WDR43: variants seen among roughly 807,000 people sequenced by gnomAD.
The protein encoded by WDR43 is WD repeat domain 43.
In WDR43, 13 loss-of-function variants were observed where a neutral mutation model predicts 91.4. The ratio of observed to expected loss-of-function variants is 0.14; its 90% confidence interval spans 0.09 to 0.23. The LOEUF is 0.23. Among genes scored for constraint, WDR43 ranks in the 10% least tolerant of loss-of-function variants. WDR43 has a pLI of 1.00. For missense variants in WDR43, 780 were observed against 809.4 expected, an observed-to-expected ratio of 0.96 and a Z score of 0.44; for synonymous variants, 331 against 287.9, an observed-to-expected ratio of 1.15 and a Z score of -1.51.
At chr2:28,907,062 G>C (rs745420403) in intron 3 of WDR43, among the ~76,000 whole-genome samples, 1 of 152,140 alleles carries the variant, frequency 6.6e-6, no homozygotes. Context: ...AGATGATATG[G>C]GTCAAAGGAT....
chr2:28,895,768 ATC>A lies in WDR43; in HGVS notation c.225+851_225+852del, dbSNP rs1443948632. 5 of 152,294 alleles carry A rather than the reference ATC, an allele frequency of 3.3e-5. No individual in the cohort carries two copies. The East Asian group carries it at 9.7e-4, about 29-fold the overall frequency. The allele number at this position is 152,294 out of a possible 1,614,324, so 9.4% of individuals were successfully genotyped here. ...TTTCACTGTTGAGTCACTCAGCTACATCTCTCTAACTCAGCATGCACGTGGTT... is the reference window on the plus strand; with the variant it reads ...TTTCACTGTTGAGTCACTCAGCTACATCTCTAACTCAGCATGCACGTGGTT... On this transcript the variant is annotated intron_variant, in intron 1 of 17. Coordinates refer to ENST00000407426, the MANE Select transcript of WDR43 (RefSeq NM_015131.3).
rs531542367 is a variant in WDR43 at position 28,927,055 on chromosome 2, G to A, written c.1173+501G>A. The A allele has an allele frequency of 8.3e-5, 43 of 518,970 alleles. No individual in the cohort carries two copies. In the East Asian group the frequency reaches 2.3e-3, roughly 28 times the overall value. The allele number at this position is 518,970 out of a possible 1,614,324, so 32.1% of individuals were successfully genotyped here. ...GTGTTTCGTGGTTTAGTGAGAAAGG[G>A]AAAGCCAAGACATGCTATGATGACA... On this transcript the variant is annotated intron_variant, in intron 9 of 17. Coordinates refer to ENST00000407426, the MANE Select transcript of WDR43 (RefSeq NM_015131.3).
chr2:28,913,688 G>A (rs750349575), intron 4 of WDR43: 2 of 523,472 alleles, frequency 3.8e-6, no homozygotes, highest in South Asian at 2.8e-5. Context: ...CCTTAATATT[G>A]TGGTTTCGAC....
chr2:28,932,266 C>T (rs527555362), intron 11 of WDR43, among the ~76,000 whole-genome samples: 4 of 152,054 alleles, frequency 2.6e-5, no homozygotes, highest in South Asian at 2.1e-4. Flanking sequence ...CAGGTTCAAG[C>T]GATTCTCCTG....
At chr2:28,939,570 C>T (rs182824119) in intron 14 of WDR43, among the ~76,000 whole-genome samples, 6 of 152,306 alleles carry the variant, frequency 3.9e-5, no homozygotes, top group Non-Finnish European at 7.3e-5. Flanking sequence ...TAAGTGCCTT[C>T]TGTAAGCCAA....
chr2:28,894,697 C>T lies in WDR43; in HGVS notation c.-2C>T, dbSNP rs948709258. On this transcript the variant is annotated 5_prime_UTR_variant, in exon 1 of 18. Coordinates refer to ENST00000407426, the MANE Select transcript of WDR43 (RefSeq NM_015131.3). ...CGTGGCTGCAGCGGGGCCAGAGCAGCAATGGCGGCGGGCGGCGGCGGTAGC... is the reference window on the plus strand; with the variant it reads ...CGTGGCTGCAGCGGGGCCAGAGCAGTAATGGCGGCGGGCGGCGGCGGTAGC... 3.8e-6 allele frequency: 6 copies of T among 1,560,442 alleles called. No homozygotes were observed. In the African/African-American group the frequency reaches 4.1e-5, roughly 11 times the overall value.
chr2:28,917,488 A>G (rs1432636840), intron 5 of WDR43, among the ~76,000 whole-genome samples: 1 of 152,196 alleles, frequency 6.6e-6, no homozygotes, highest in Non-Finnish European at 1.5e-5. Flanking sequence ...TAAAATTCAA[A>G]TGGAAATAAC....
chr2:28,928,239 A>G (rs1671180102), intron 10 of WDR43, among the ~76,000 whole-genome samples: 2 of 152,224 alleles, frequency 1.3e-5, no homozygotes, highest in South Asian at 2.1e-4. Flanking sequence ...AGGAATCTGG[A>G]ATTTTAACTG....
intron 6 of WDR43, 48 bp from the exon 7 acceptor site, chr2:28,922,871 C>A: frequency 7.0e-7 from 1 of 1,423,788 alleles, no homozygotes; most frequent in South Asian, 1.3e-5. Flanking sequence ...AGATTGGGGA[C>A]TGGAGTATGT....
chr2:28,941,887 G>T (rs1030529086), intron 15 of WDR43, among the ~76,000 whole-genome samples: 1 of 152,106 alleles, frequency 6.6e-6, no homozygotes, highest in East Asian at 1.9e-4. Context: ...GACCCACCAC[G>T]CCTGGCTGAG....
chr2:28,909,360 T>C (rs1670745995), intron 3 of WDR43, among the ~76,000 whole-genome samples: 2 of 152,178 alleles, frequency 1.3e-5, no homozygotes, highest in South Asian at 4.1e-4. Context: ...CTCGAACTCC[T>C]GACCTCAGGT....
chr2:28,916,962 T>G (rs911437659), intron 5 of WDR43, among the ~76,000 whole-genome samples: 2 of 152,218 alleles, frequency 1.3e-5, no homozygotes, highest in African/African-American at 4.8e-5. Context: ...ACAACTCATG[T>G]CTGAGTGAAG....
chr2:28,902,614 T>C (rs1670598065), intron 2 of WDR43, among the ~76,000 whole-genome samples: 1 of 152,216 alleles, frequency 6.6e-6, no homozygotes, highest in African/African-American at 2.4e-5. Context: ...TTGGTTCTCC[T>C]AGGGTTGGAT....
At chr2:28,912,855 C>T in intron 4 of WDR43, 145 bp downstream of exon 4, 2 of 1,134,644 alleles carry the variant, frequency 1.8e-6, no homozygotes, top group Non-Finnish European at 2.4e-6. Context: ...AAAAGTTAGC[C>T]TCCTAATCTG....
chr2:28,943,411 G>C (rs1365883634), intron 16 of WDR43, among the ~76,000 whole-genome samples: 1 of 152,142 alleles, frequency 6.6e-6, no homozygotes, highest in Admixed American at 6.5e-5. Flanking sequence ...GCTGGGAATA[G>C]AAGCATGACC....
At chr2:28,903,728 G>T (rs555166552) in intron 2 of WDR43, among the ~76,000 whole-genome samples, 8 of 152,270 alleles carry the variant, frequency 5.3e-5, no homozygotes, top group African/African-American at 1.7e-4. Context: ...AATTGGATAG[G>T]TTTTTTGTGT....
chr2:28,927,693 G>A lies in WDR43; in HGVS notation c.1298G>A (p.Gly433Glu). 1 of 1,613,858 alleles carries A rather than the reference G, an allele frequency of 6.2e-7. No individual in the cohort carries two copies. The highest frequency in any genetic ancestry group is 2.2e-5 in the East Asian group (1 of 44,878). ...GTAGAGAGCAAGAGGAAGTCAGGGG[G>A]AAATGAGGTAATGCAACTGCTTTGA... is the stretch of plus-strand genomic sequence containing the variant. ...EQVESKRKSG[G>E]NEVSIEERLG... Residue 433 changes from glycine (G) to glutamate (E), a missense_variant, in exon 10 of 18, where the codon GGA becomes GAA. By Grantham distance (98) the Gly-to-Glu change is moderately conservative. This residue lies in a region of WDR43 where 426 missense variants were observed against 467.8 expected (regional missense o/e 0.91). Coordinates refer to ENST00000407426, the MANE Select transcript of WDR43 (RefSeq NM_015131.3).
intron 3 of WDR43, among the ~76,000 whole-genome samples, chr2:28,907,130 A>G (rs1670695470): frequency 6.6e-6 from 1 of 152,204 alleles, no homozygotes; most frequent in Admixed American, 6.5e-5. Flanking sequence ...TTATAGTTCA[A>G]CCACCTGATC....
Position 28,937,110 on chromosome 2 carries a change from G to A in WDR43, c.1556+157G>A, listed in dbSNP as rs186697267. Among the ~76,000 whole-genome samples the A allele has an allele frequency of 2.9e-3, 444 of 152,122 alleles. 1 individual carries two copies. The highest frequency in any genetic ancestry group is 5.8e-3 in the Non-Finnish European group (391 of 67,980). On this transcript the variant is annotated intron_variant, in intron 13 of 17. Coordinates refer to ENST00000407426, the MANE Select transcript of WDR43 (RefSeq NM_015131.3). ...AAGTTGAATGATTCTTATTCTTAGC[G>A]TTTTATTATAGTTTTCTTTTGCAAA...
Sources: gnomAD v4.1 joint callset for allele counts (sites outside exome capture counted in the v4.1 genomes callset) on GRCh38, gnomAD v4.1.1 for gene constraint, gnomAD v4.1.1 regional missense constraint, MANE v1.5 for transcripts, NCBI Gene and HGNC (gene_info 2026-07-23, HGNC 2026-07-21) for gene names.